GHR: variants seen among roughly 807,000 people sequenced by gnomAD.
GHR encodes growth hormone receptor, also known as GH receptor.
In GHR, 35 loss-of-function variants were observed where a neutral mutation model predicts 67.1. The ratio of observed to expected loss-of-function variants is 0.52; its 90% CI spans 0.40 to 0.69. The LOEUF is 0.69. Among genes scored for constraint, GHR ranks in the 30% least tolerant of loss-of-function variants. The pLI is 0.00. For missense variants in GHR, 792 were observed against 764.6 expected (o/e 1.04, Z -0.42); for synonymous variants, 272 against 269.1 (o/e 1.01, Z -0.10).
chr5:42,574,647 C>T (rs2112517858), intron 2 of GHR, among the ~76,000 whole-genome samples: 1 of 152,064 alleles, frequency 6.6e-6, no homozygotes, highest in East Asian at 1.9e-4. Context: ...TATTTGATTG[C>T]TAAAAATATA....
At chr5:42,681,935 C>CAA (rs11443605) in intron 3 of GHR, among the ~76,000 whole-genome samples, 6,421 of 79,036 alleles carry the variant, frequency 0.081, 477 homozygotes, top group Non-Finnish European at 0.1. Context: ...GACTCCGTCT[C>CAA]AAAAAAAAAA....
At chr5:42,551,628 A>G (rs1253771655) in intron 1 of GHR, among the ~76,000 whole-genome samples, 1 of 152,216 alleles carries the variant, frequency 6.6e-6, no homozygotes, top group African/African-American at 2.4e-5. Context: ...ATTAAGCAAA[A>G]TAAGAAATAG....
At position 42,621,019 on chromosome 5, in the gene GHR, A is replaced by C. The variant is rs1344726734; in HGVS notation, c.71-8019A>C. On this transcript the variant is annotated intron_variant, in intron 2 of 9. Coordinates refer to ENST00000230882, the MANE Select transcript of GHR (RefSeq NM_000163.5). The stretch of plus-strand genomic sequence containing the variant: ...TGGCCCAGTGCCAAAATGTGATTCT[A>C]TTTATTCCTTTTAGCATTGCTGTGA... 2.0e-5 allele frequency among the ~76,000 whole-genome samples: 3 copies of C among 152,044 alleles called. No homozygotes were observed. The East Asian group carries it at 5.8e-4, about 29-fold the overall frequency.
At chr5:42,494,933 AT>A (rs1579814674) in intron 1 of GHR, among the ~76,000 whole-genome samples, 2 of 152,100 alleles carry the variant, frequency 1.3e-5, no homozygotes, top group Admixed American at 1.3e-4. Context: ...CCAATTTAGC[AT>A]CCCCCTTAGA....
intron 5 of GHR, among the ~76,000 whole-genome samples, chr5:42,697,517 G>A (rs1351537410): frequency 2.0e-5 from 3 of 150,454 alleles, no homozygotes; most frequent in African/African-American, 7.3e-5. Context: ...GGATAATTAT[G>A]TGTGTGTCTC....
intron 5 of GHR, among the ~76,000 whole-genome samples, chr5:42,697,217 C>T (rs1268320881): frequency 6.6e-6 from 1 of 152,206 alleles, no homozygotes; most frequent in Non-Finnish European, 1.5e-5. Context: ...GGTACTACCT[C>T]ACAGGGCTAT....
At chr5:42,592,373 C>T (rs903639405) in intron 2 of GHR, among the ~76,000 whole-genome samples, 2 of 152,298 alleles carry the variant, frequency 1.3e-5, no homozygotes, top group East Asian at 3.9e-4. Flanking sequence ...AGGTAATAAA[C>T]ATGGTTTCCA....
intron 1 of GHR, chr5:42,548,139 G>A: frequency 3.0e-6 from 3 of 984,506 alleles, no homozygotes; most frequent in South Asian, 9.4e-5. Flanking sequence ...GCCCAGAGAT[G>A]TACTGGGCAA....
At chr5:42,648,714 T>TA (rs1421355215) in intron 3 of GHR, among the ~76,000 whole-genome samples, 1 of 150,150 alleles carries the variant, frequency 6.7e-6, no homozygotes, top group African/African-American at 2.5e-5. Context: ...GTAGTAGTAG[T>TA]GGTGGTGGTA....
At chr5:42,657,693 A>G (rs1215515314) in intron 3 of GHR, among the ~76,000 whole-genome samples, 2 of 152,120 alleles carry the variant, frequency 1.3e-5, no homozygotes, top group African/African-American at 4.8e-5. Context: ...TCCTACTGTA[A>G]CTTCTCTATG....
chr5:42,476,464 C>G (rs1472308125), intron 1 of GHR, among the ~76,000 whole-genome samples: 3 of 152,158 alleles, frequency 2.0e-5, no homozygotes, highest in South Asian at 4.1e-4. Flanking sequence ...CGTGATGTGC[C>G]TGCCTTGGCC....
chr5:42,612,887 C>T (rs560719835), intron 2 of GHR, among the ~76,000 whole-genome samples: 4 of 152,086 alleles, frequency 2.6e-5, no homozygotes, highest in African/African-American at 9.7e-5. Context: ...TAGAAACTCT[C>T]AGCCTAACAA....
intron 3 of GHR, among the ~76,000 whole-genome samples, chr5:42,639,259 A>G (rs4518410): frequency 0.34 from 51,998 of 151,974 alleles, 10,279 homozygotes; most frequent in African/African-American, 0.55. Flanking sequence ...TTTATAAACT[A>G]ACTGCTATCA....
chr5:42,488,857 T>A (rs1745993192), intron 1 of GHR, among the ~76,000 whole-genome samples: 1 of 152,200 alleles, frequency 6.6e-6, no homozygotes, highest in Admixed American at 6.5e-5. Flanking sequence ...TTATTTTATT[T>A]ACTCTTCACA....
At chr5:42,552,530 A>T (rs1749087488) in intron 1 of GHR, among the ~76,000 whole-genome samples, 1 of 152,196 alleles carries the variant, frequency 6.6e-6, no homozygotes, top group African/African-American at 2.4e-5. Context: ...TGTTCAAAAA[A>T]TTTTTAAAAA....
intron 1 of GHR, among the ~76,000 whole-genome samples, chr5:42,478,430 G>C (rs1388856541): frequency 6.6e-6 from 1 of 152,090 alleles, no homozygotes; most frequent in Non-Finnish European, 1.5e-5. Flanking sequence ...GAAAGTCATT[G>C]GTAGCTTGAT....
In GHR at chr5:42,643,865, A is replaced by G. The variant is rs528888128; in HGVS notation, c.136+14762A>G. On this transcript the variant is annotated intron_variant, in intron 3 of 9. Transcript: ENST00000230882. ...AGTTCACAGTGGTATTTTTTTAAAA[A>G]AAACTTTTAGAGGTTACCAGGGCAT... Among the ~76,000 whole-genome samples the G allele has an allele frequency of 6.6e-5, 10 of 152,236 alleles. No individual in the cohort carries two copies. In the East Asian group the frequency reaches 1.7e-3, roughly 26 times the overall value.
chr5:42,468,880 C>G (rs1259289649), intron 1 of GHR: 1 of 782,424 alleles, frequency 1.3e-6, no homozygotes, highest in Non-Finnish European at 2.0e-6. Flanking sequence ...GGTTGCTCGG[C>G]GGCACATTCC....
chr5:42,572,170 A>G (rs1750361088), intron 2 of GHR, among the ~76,000 whole-genome samples: 1 of 152,186 alleles, frequency 6.6e-6, no homozygotes, highest in Non-Finnish European at 1.5e-5. Flanking sequence ...TTAACCTTAC[A>G]CTGTATATGA....
Sources: gnomAD v4.1 joint callset for allele counts (sites outside exome capture counted in the v4.1 genomes callset) on GRCh38, gnomAD v4.1.1 for gene constraint, MANE v1.5 for transcripts, NCBI Gene and HGNC (gene_info 2026-07-23, HGNC 2026-07-21) for gene names.